Variants in CNTNAP2 observed in about 807,000 individuals in gnomAD.
The protein encoded by CNTNAP2 is contactin-associated protein-like 2.
Under a neutral mutation model 155.2 loss-of-function variants are expected in CNTNAP2, and 98 were observed. The ratio of observed to expected loss-of-function variants is 0.63; its 90% CI spans 0.54 to 0.75. The LOEUF is 0.75. Ranked by LOEUF, CNTNAP2 falls within the 30% of genes least tolerant of loss-of-function variation. The pLI, the probability that CNTNAP2 is intolerant of heterozygous loss-of-function variation, is 0.00. For missense variants in CNTNAP2, 1,727 were observed against 1,688.1 expected, an observed-to-expected ratio of 1.02 and a Z score of -0.40; for synonymous variants, 651 against 631.2, an observed-to-expected ratio of 1.03 and a Z score of -0.47.
At chr7:147,347,632 A>C (rs1795900766) in intron 9 of CNTNAP2, among the ~76,000 whole-genome samples, 2 of 151,774 alleles carry the variant, frequency 1.3e-5, no homozygotes, top group Non-Finnish European at 2.9e-5. Context: ...GATTCAATGC[A>C]ATCTCTATCA....
At chr7:146,924,295 G>A (rs1796562880) in intron 3 of CNTNAP2, among the ~76,000 whole-genome samples, 1 of 151,970 alleles carries the variant, frequency 6.6e-6, no homozygotes, top group African/African-American at 2.4e-5. Flanking sequence ...GTGTCTAGAG[G>A]TCTAATTCTG....
At chr7:146,527,572 G>T (rs1227309198) in intron 1 of CNTNAP2, among the ~76,000 whole-genome samples, 1 of 150,170 alleles carries the variant, frequency 6.7e-6, no homozygotes, top group African/African-American at 2.5e-5. Context: ...CTTGGAAATT[G>T]ATGATTTCAC....
At chr7:146,236,340 G>C (rs1440777439) in intron 1 of CNTNAP2, among the ~76,000 whole-genome samples, 2 of 152,062 alleles carry the variant, frequency 1.3e-5, no homozygotes, top group African/African-American at 4.8e-5. Context: ...AAATGTGAGT[G>C]GGAACAGCTT....
intron 14 of CNTNAP2, among the ~76,000 whole-genome samples, chr7:147,954,190 C>T (rs1165167857): frequency 6.6e-6 from 1 of 152,050 alleles, no homozygotes; most frequent in Non-Finnish European, 1.5e-5. Flanking sequence ...GACTTTAATA[C>T]ATTCTGCTTT....
At chr7:148,278,690 A>T (rs2116457019) in intron 21 of CNTNAP2, among the ~76,000 whole-genome samples, 1 of 152,346 alleles carries the variant, frequency 6.6e-6, no homozygotes, top group Non-Finnish European at 1.5e-5. Context: ...ATAAAACAGA[A>T]ATCTCTTATC....
intron 13 of CNTNAP2, among the ~76,000 whole-genome samples, chr7:147,711,993 C>T (rs575701880): frequency 2.4e-4 from 37 of 152,230 alleles, no homozygotes; most frequent in African/African-American, 7.9e-4. Context: ...TAAGATCCTC[C>T]ACAATCTGGC....
At chr7:147,590,881 TGAG>T in intron 12 of CNTNAP2, among the ~76,000 whole-genome samples, 1 of 152,286 alleles carries the variant, frequency 6.6e-6, no homozygotes, top group South Asian at 2.1e-4. Flanking sequence ...TCCAAGTATC[TGAG>T]GAGAAACTAC....
rs535824392 is a variant in CNTNAP2 at position 146,987,582 on chromosome 7, G to T, written c.403-56325G>T. 2.4e-4 allele frequency among the ~76,000 whole-genome samples: 37 copies of T among 152,246 alleles called. 1 individual carries two copies. The highest frequency in any genetic ancestry group is 3.4e-3 in the Middle Eastern group (1 of 292). ...ACTTCAAATTAGTCTAAAATGGAGA[G>T]ATTTTTCTGGCCTCATTCTATCTTC... On this transcript the variant is annotated intron_variant, in intron 3 of 23. Transcript: ENST00000361727.
intron 1 of CNTNAP2, among the ~76,000 whole-genome samples, chr7:146,572,135 A>G (rs964821963): frequency 2.0e-5 from 3 of 152,186 alleles, no homozygotes; most frequent in Non-Finnish European, 4.4e-5. Context: ...TAAAACTCAA[A>G]TTCACATTCA....
intron 13 of CNTNAP2, among the ~76,000 whole-genome samples, chr7:147,796,301 G>A (rs1013342646): frequency 1.6e-4 from 24 of 152,088 alleles, no homozygotes; most frequent in East Asian, 7.7e-4. Context: ...CAGGAGACCC[G>A]CTCTAATTGG....
intron 8 of CNTNAP2, among the ~76,000 whole-genome samples, chr7:147,293,921 G>C (rs1361646041): frequency 2.0e-5 from 3 of 152,192 alleles, no homozygotes; most frequent in Non-Finnish European, 4.4e-5. Context: ...TATAAAATGA[G>C]AAGGTGCTGT....
chr7:147,249,983 AACTG>A (rs1337481495), intron 8 of CNTNAP2, among the ~76,000 whole-genome samples: 1 of 152,186 alleles, frequency 6.6e-6, no homozygotes, highest in Non-Finnish European at 1.5e-5. Flanking sequence ...ACAGAGATGT[AACTG>A]ACTATTTGAT....
chr7:148,363,999 C>T (rs1798679547), intron 21 of CNTNAP2, among the ~76,000 whole-genome samples: 1 of 152,206 alleles, frequency 6.6e-6, no homozygotes, highest in African/African-American at 2.4e-5. Flanking sequence ...AGTGCCGGCC[C>T]ACCGGCGCTG....
chr7:148,286,157 G>C (rs58557332), intron 21 of CNTNAP2, among the ~76,000 whole-genome samples: 22,191 of 152,188 alleles, frequency 0.15, 2,095 homozygotes, highest in African/African-American at 0.26. Flanking sequence ...TACTGTCTCA[G>C]GGTTGGCAGA....
At chr7:148,375,369 A>G (rs1220191477) in intron 21 of CNTNAP2, among the ~76,000 whole-genome samples, 2 of 147,692 alleles carry the variant, frequency 1.4e-5, no homozygotes, top group Non-Finnish European at 3.0e-5. Context: ...TATATATACA[A>G]TTTTTTTTGA....
At chr7:146,515,614 T>A (rs1486466916) in intron 1 of CNTNAP2, among the ~76,000 whole-genome samples, 2 of 152,074 alleles carry the variant, frequency 1.3e-5, no homozygotes. Context: ...TAATAAGGAA[T>A]CTTAAGAGCA....
At chr7:146,188,545 G>C (rs1798655426) in intron 1 of CNTNAP2, among the ~76,000 whole-genome samples, 1 of 152,134 alleles carries the variant, frequency 6.6e-6, no homozygotes, top group African/African-American at 2.4e-5. Flanking sequence ...GCAACACATG[G>C]CTTAGACAGG....
intron 1 of CNTNAP2, among the ~76,000 whole-genome samples, chr7:146,679,647 G>A (rs1304349862): frequency 6.6e-6 from 1 of 152,108 alleles, no homozygotes; most frequent in East Asian, 1.9e-4. Context: ...GAGCCACCGT[G>A]CCCGGCTGAT....
At chr7:147,799,564 T>C (rs759500111) in intron 13 of CNTNAP2, among the ~76,000 whole-genome samples, 6 of 152,120 alleles carry the variant, frequency 3.9e-5, no homozygotes, top group African/African-American at 1.2e-4. Context: ...AGGCAAGAAA[T>C]CTTTTTCCTG....
Sources: allele counts gnomAD v4.1 joint callset (sites outside exome capture counted in the v4.1 genomes callset), GRCh38; gene constraint gnomAD v4.1.1; transcripts MANE v1.5; gene names NCBI Gene and HGNC (gene_info 2026-07-23, HGNC 2026-07-21).